Variants in ANKS1B observed in about 807,000 individuals in gnomAD.
The protein encoded by ANKS1B is ankyrin repeat and sterile alpha motif domain containing 1B, also known as ankyrin repeat and sterile alpha motif domain-containing protein 1B.
A neutral mutation model predicts 148.3 loss-of-function variants in ANKS1B; 36 were observed. That is an observed-to-expected ratio of 0.24 (90% CI 0.19 to 0.32). The LOEUF (loss-of-function observed/expected upper bound fraction) is 0.32, where lower values mean the gene tolerates loss of function less well. ANKS1B is among the 10% of genes least tolerant of loss of function. The pLI is 1.00. For synonymous variants in ANKS1B, 542 were observed against 560.8 expected, an observed-to-expected ratio of 0.97 and a Z score of 0.47; for missense variants, 1,157 against 1,542.6, an observed-to-expected ratio of 0.75 and a Z score of 4.19.
chr12:98,904,387 G>A (rs1255275262), intron 17 of ANKS1B, among the ~76,000 whole-genome samples: 2 of 152,326 alleles, frequency 1.3e-5, no homozygotes, highest in East Asian at 1.9e-4. Flanking sequence ...ACCATAAGTC[G>A]AAGGGGTCAC....
At chr12:99,877,728 G>A (rs2092209661) in intron 1 of ANKS1B, among the ~76,000 whole-genome samples, 1 of 152,158 alleles carries the variant, frequency 6.6e-6, no homozygotes, top group Non-Finnish European at 1.5e-5. Flanking sequence ...GTGTTTAGTT[G>A]TAGGTAAAAT....
At chr12:99,761,065 CAA>C (rs60542272) in intron 8 of ANKS1B, among the ~76,000 whole-genome samples, 8 of 98,692 alleles carry the variant, frequency 8.1e-5, no homozygotes, top group Non-Finnish European at 1.2e-4. Context: ...GCCTAACAAC[CAA>C]AAAAAAAAAA....
chr12:99,762,714 A>G (rs1454530235), intron 8 of ANKS1B, among the ~76,000 whole-genome samples: 1 of 152,180 alleles, frequency 6.6e-6, no homozygotes, highest in Non-Finnish European at 1.5e-5. Flanking sequence ...CTATAAACAC[A>G]GTAAACAGAC....
intron 9 of ANKS1B, among the ~76,000 whole-genome samples, chr12:99,615,180 CA>C (rs1567481416): frequency 6.6e-6 from 1 of 151,544 alleles, no homozygotes; most frequent in African/African-American, 2.4e-5. Flanking sequence ...ATTACACAGA[CA>C]GACAGACAGA....
intron 12 of ANKS1B, among the ~76,000 whole-genome samples, chr12:99,306,181 G>A (rs1021684589): frequency 1.3e-5 from 2 of 152,062 alleles, no homozygotes; most frequent in African/African-American, 4.8e-5. Flanking sequence ...TATTGGAGGA[G>A]TTGTTAATAA....
chr12:99,136,658 C>T (rs1306630812), intron 15 of ANKS1B, among the ~76,000 whole-genome samples: 2 of 152,020 alleles, frequency 1.3e-5, no homozygotes, highest in Non-Finnish European at 2.9e-5. Context: ...AAATTAAGGG[C>T]ATTTGCATGT....
At chr12:99,782,750 A>T (rs989842609) in intron 4 of ANKS1B, among the ~76,000 whole-genome samples, 5 of 152,160 alleles carry the variant, frequency 3.3e-5, no homozygotes, top group Admixed American at 1.3e-4. Flanking sequence ...TAGCTGATGG[A>T]TATTCTGAGG....
chr12:99,390,505 T>A (rs2094021566), intron 12 of ANKS1B, among the ~76,000 whole-genome samples: 1 of 152,118 alleles, frequency 6.6e-6, no homozygotes, highest in Admixed American at 6.5e-5. Context: ...AAAGGCTGAA[T>A]GAGATGGGGA....
chr12:98,813,178 C>A (rs546222798), intron 19 of ANKS1B, among the ~76,000 whole-genome samples: 1 of 151,386 alleles, frequency 6.6e-6, no homozygotes, highest in East Asian at 1.9e-4. Flanking sequence ...ATCTGGGGCC[C>A]AAATTCCTAG....
chr12:99,731,413 C>CGTGTGTGTGTGTGTGTGTGTGT (rs71088145), intron 8 of ANKS1B, among the ~76,000 whole-genome samples: 5 of 143,724 alleles, frequency 3.5e-5, no homozygotes, highest in African/African-American at 5.2e-5. Flanking sequence ...ACCACCGTGC[C>CGTGTGTGTGTGTGTGTGTGTGT]GTGTGTGTGT....
At chr12:99,537,226 A>C (rs1164369653) in intron 9 of ANKS1B, among the ~76,000 whole-genome samples, 1 of 152,150 alleles carries the variant, frequency 6.6e-6, no homozygotes, top group African/African-American at 2.4e-5. Context: ...TAAACATAGG[A>C]GTGCAGATAT....
intron 1 of ANKS1B, among the ~76,000 whole-genome samples, chr12:99,866,134 T>G (rs1034764196): frequency 2.0e-5 from 3 of 152,190 alleles, no homozygotes; most frequent in African/African-American, 7.2e-5. Flanking sequence ...TTCTGCTGAC[T>G]ACCCAATAAT....
At chr12:99,357,607 GTGTC>G (rs1321044492) in intron 12 of ANKS1B, among the ~76,000 whole-genome samples, 3 of 152,144 alleles carry the variant, frequency 2.0e-5, no homozygotes, top group Non-Finnish European at 4.4e-5. Flanking sequence ...ATCTGTTTAT[GTGTC>G]TGTGTCTCCC....
intron 9 of ANKS1B, among the ~76,000 whole-genome samples, chr12:99,579,278 C>T (rs1254033045): frequency 2.0e-5 from 3 of 152,108 alleles, no homozygotes; most frequent in Non-Finnish European, 4.4e-5. Flanking sequence ...TCATTTTGGA[C>T]ATAGGTCTGG....
chr12:99,039,692 A>G (rs77250856), intron 17 of ANKS1B, among the ~76,000 whole-genome samples: 3,292 of 150,582 alleles, frequency 0.022, 165 homozygotes, highest in Admixed American at 0.11. Context: ...TTGTTTGTTT[A>G]TTTATTTATT....
intron 1 of ANKS1B, among the ~76,000 whole-genome samples, chr12:99,959,737 T>G (rs1274878161): frequency 6.6e-6 from 1 of 152,188 alleles, no homozygotes; most frequent in Non-Finnish European, 1.5e-5. Context: ...GAGTAAACAT[T>G]AGTCATAGTT....
chr12:98,975,918 T>C (rs1382255846), intron 17 of ANKS1B, among the ~76,000 whole-genome samples: 2 of 152,220 alleles, frequency 1.3e-5, no homozygotes, highest in Non-Finnish European at 2.9e-5. Flanking sequence ...GACTGAATGA[T>C]AGGGCGGCTT....
intron 11 of ANKS1B, among the ~76,000 whole-genome samples, chr12:99,427,648 G>A (rs916071259): frequency 6.6e-6 from 1 of 152,122 alleles, no homozygotes; most frequent in African/African-American, 2.4e-5. Flanking sequence ...TTGAATAGAG[G>A]CTCCTTGAGG....
At chr12:99,466,010 T>A (rs1409720769) in intron 10 of ANKS1B, among the ~76,000 whole-genome samples, 1 of 152,090 alleles carries the variant, frequency 6.6e-6, no homozygotes, top group Admixed American at 6.6e-5. Context: ...AGACCACACC[T>A]ATTCCAAAAT....
Sources: gnomAD v4.1 joint callset for allele counts (sites outside exome capture counted in the v4.1 genomes callset) on GRCh38, gnomAD v4.1.1 for gene constraint, MANE v1.5 for transcripts, NCBI Gene and HGNC (gene_info 2026-07-23, HGNC 2026-07-21) for gene names.